ARFGEF1: variants seen among roughly 807,000 people sequenced by gnomAD.
The protein encoded by ARFGEF1 is brefeldin A-inhibited guanine nucleotide-exchange protein 1.
ARFGEF1 carries 42 observed loss-of-function variants against 231.0 expected under a neutral mutation model. That is an observed-to-expected ratio of 0.18 (90% CI 0.14 to 0.24). ARFGEF1 has a LOEUF of 0.24. Ranked by LOEUF, ARFGEF1 falls within the 10% of genes least tolerant of loss-of-function variation. The probability of loss-of-function intolerance (pLI) is 1.00; values close to 1 mark genes in which losing one functional copy is unlikely to be tolerated. For synonymous variants in ARFGEF1, 710 were observed against 732.3 expected, an observed-to-expected ratio of 0.97 and a Z score of 0.49; for missense variants, 1,345 against 2,192.0, an observed-to-expected ratio of 0.61 and a Z score of 7.72.
intron 23 of ARFGEF1, 132 bp from the exon 24 acceptor site, chr8:67,228,396 T>C: frequency 1.4e-6 from 1 of 737,312 alleles, no homozygotes; most frequent in Non-Finnish European, 2.2e-6. Context: ...CAAATGAGTA[T>C]TTTTCATCAT....
intron 34 of ARFGEF1, among the ~76,000 whole-genome samples, chr8:67,209,473 T>C (rs1296095257): frequency 2.0e-5 from 3 of 152,216 alleles, no homozygotes; most frequent in Non-Finnish European, 4.4e-5. Flanking sequence ...GGGCTCCCTT[T>C]AGGAGTGATG....
intron 1 of ARFGEF1, among the ~76,000 whole-genome samples, chr8:67,325,272 C>G (rs549248253): frequency 4.6e-5 from 7 of 151,542 alleles, no homozygotes; most frequent in African/African-American, 1.7e-4. Context: ...ACCCCATATA[C>G]TTAAACTATC....
rs146334784 is a variant in ARFGEF1 at position 67,297,457 on chromosome 8, G to A, written c.460-847C>T. Among the ~76,000 whole-genome samples the A allele has an allele frequency of 7.4e-4, 113 of 152,262 alleles. 1 individual carries two copies. Among genetic ancestry groups the A allele is most frequent in the African/African-American group, 2.6e-3 (106 of 41,546 alleles). On this transcript the variant is annotated intron_variant, in intron 4 of 38. Transcript: ENST00000262215. Reference sequence around the variant, plus strand: ...AGCTGGGCGTAAGTGCCATATACCTGTGGCCCCAGCTACTTGGAAGGCTGA... The same window carrying A: ...AGCTGGGCGTAAGTGCCATATACCTATGGCCCCAGCTACTTGGAAGGCTGA...
intron 1 of ARFGEF1, among the ~76,000 whole-genome samples, chr8:67,317,705 G>C (rs182908738): frequency 6.6e-6 from 1 of 150,486 alleles, no homozygotes; most frequent in Admixed American, 6.6e-5. Context: ...GAGGTCGGGA[G>C]TTCGAGACCA....
Position 67,198,397 on chromosome 8 carries a change from T to C in ARFGEF1, c.*537A>G. 1 of 985,522 alleles carries C rather than the reference T, an allele frequency of 1.0e-6. No individual in the cohort carries two copies. The highest frequency in any genetic ancestry group is 1.2e-6 in the Non-Finnish European group (1 of 829,564). 61.0% of individuals were successfully genotyped at this position (985,522 alleles called of 1,614,324 possible). On this transcript the variant is annotated 3_prime_UTR_variant, in exon 39 of 39. Transcript: ENST00000262215. The stretch of plus-strand genomic sequence containing the variant: ...AAGATTTTTATATTACAGACCTGCA[T>C]CTCTGTACATTTTTCACAGGATGAT...
chr8:67,283,170 C>T (rs1295135956), intron 7 of ARFGEF1, among the ~76,000 whole-genome samples: 1 of 152,162 alleles, frequency 6.6e-6, no homozygotes, highest in Admixed American at 6.5e-5. Flanking sequence ...TAAATACCAT[C>T]ATTACAGTGA....
rs1408190396 is a variant in ARFGEF1, at chr8:67,282,988, AAAAG to A, written c.1027+4963_1027+4966del. ...ATGAAGAACTCCTGAAAATAAGAAC[AAAAG>A]AAAGAAAAGGAAAAAATAGGCAAAA... On this transcript the variant is annotated intron_variant, in intron 7 of 38. Coordinates refer to ENST00000262215, the MANE Select transcript of ARFGEF1 (RefSeq NM_006421.5). 3.9e-5 allele frequency among the ~76,000 whole-genome samples: 6 copies of A among 152,128 alleles called. No homozygotes were observed. The East Asian group carries it at 1.2e-3, about 29-fold the overall frequency.
intron 7 of ARFGEF1, among the ~76,000 whole-genome samples, chr8:67,283,305 T>C (rs1805614792): frequency 6.6e-6 from 1 of 152,162 alleles, no homozygotes. Context: ...ATCACACCAA[T>C]GTTTATAAAA....
chr8:67,232,207 G>GA (rs1332586406), intron 23 of ARFGEF1, among the ~76,000 whole-genome samples: 3 of 151,710 alleles, frequency 2.0e-5, no homozygotes, highest in Non-Finnish European at 4.4e-5. Flanking sequence ...GTGGGAGGAA[G>GA]AAAAAGAAAA....
intron 19 of ARFGEF1, among the ~76,000 whole-genome samples, chr8:67,250,962 G>C (rs988511048): frequency 2.6e-5 from 4 of 152,156 alleles, no homozygotes; most frequent in African/African-American, 9.7e-5. Flanking sequence ...AGAGCCTCAT[G>C]ATCATTTGAA....
chr8:67,198,212 A>G lies in ARFGEF1; in HGVS notation c.*722T>C. The G allele has an allele frequency of 1.0e-6, 1 of 985,818 alleles. No individual in the cohort carries two copies. The highest frequency in any genetic ancestry group is 1.2e-6 in the Non-Finnish European group (1 of 829,914). 61.1% of individuals were successfully genotyped at this position (985,818 alleles called of 1,614,324 possible). Reference sequence around the variant, plus strand: ...CAGCTTCTGGGCATGTTACAGCCTCAAAATCACCACCTACCAAAAAGGGCA... The same window carrying G: ...CAGCTTCTGGGCATGTTACAGCCTCGAAATCACCACCTACCAAAAAGGGCA... On this transcript the variant is annotated 3_prime_UTR_variant, in exon 39 of 39. Coordinates refer to ENST00000262215, the MANE Select transcript of ARFGEF1 (RefSeq NM_006421.5).
At chr8:67,212,471 C>G (rs761687231) in intron 33 of ARFGEF1, among the ~76,000 whole-genome samples, 3 of 152,206 alleles carry the variant, frequency 2.0e-5, no homozygotes, top group Non-Finnish European at 4.4e-5. Flanking sequence ...AAATGATATA[C>G]TTTCCTTGCA....
chr8:67,270,121 T>G (rs980842535), intron 10 of ARFGEF1, among the ~76,000 whole-genome samples: 1 of 152,210 alleles, frequency 6.6e-6, no homozygotes, highest in African/African-American at 2.4e-5. Flanking sequence ...AACTGTCTTT[T>G]ATTTATAGTT....
intron 14 of ARFGEF1, among the ~76,000 whole-genome samples, chr8:67,261,709 C>T (rs182945990): frequency 2.0e-5 from 3 of 152,278 alleles, no homozygotes. Context: ...TCTCACTATG[C>T]TGTCCAGGTT....
At chr8:67,210,572 G>A (rs1345945329) in intron 34 of ARFGEF1, among the ~76,000 whole-genome samples, 1 of 152,160 alleles carries the variant, frequency 6.6e-6, no homozygotes, top group Non-Finnish European at 1.5e-5. Flanking sequence ...GGTAGAGGAA[G>A]GCATGCTAGG....
rs141122405 is a variant in ARFGEF1, at chr8:67,202,660, C to T, written c.5128+423G>A. On this transcript the variant is annotated intron_variant, in intron 36 of 38. Transcript: ENST00000262215. ...CTTGTTCTAGAACAAATATACCTCACATCCCAATAAATTCACCTTCACTCT... is the reference window on the plus strand; with the variant it reads ...CTTGTTCTAGAACAAATATACCTCATATCCCAATAAATTCACCTTCACTCT... Among the ~76,000 whole-genome samples, 677 of 152,332 alleles carry T rather than the reference C, an allele frequency of 4.4e-3. 9 individuals are homozygous for T. The highest frequency in any genetic ancestry group is 0.015 in the African/African-American group (644 of 41,566).
At chr8:67,269,350 C>CTTT (rs796473421) in intron 10 of ARFGEF1, among the ~76,000 whole-genome samples, 8 of 128,858 alleles carry the variant, frequency 6.2e-5, no homozygotes, top group Admixed American at 1.6e-4. Context: ...CCACGTTCAG[C>CTTT]TTTTTTTTTT....
intron 4 of ARFGEF1, among the ~76,000 whole-genome samples, chr8:67,297,877 C>T (rs1263820006): frequency 2.6e-5 from 4 of 151,182 alleles, no homozygotes; most frequent in African/African-American, 9.7e-5. Flanking sequence ...GAACATGGCT[C>T]ACTGCAGCCT....
intron 1 of ARFGEF1, among the ~76,000 whole-genome samples, chr8:67,310,697 C>T (rs1806970764): frequency 7.1e-6 from 1 of 140,832 alleles, no homozygotes; most frequent in African/African-American, 2.5e-5. Flanking sequence ...TGGGGAGCGC[C>T]TCTGCCCCGC....
Sources: allele counts gnomAD v4.1 joint callset (sites outside exome capture counted in the v4.1 genomes callset), GRCh38; gene constraint gnomAD v4.1.1; transcripts MANE v1.5; gene names NCBI Gene and HGNC (gene_info 2026-07-23, HGNC 2026-07-21).